LIN28B: variants seen among roughly 807,000 people sequenced by gnomAD.
LIN28B encodes protein lin-28 homolog B.
Under a neutral mutation model 21.9 loss-of-function variants are expected in LIN28B, and 5 were observed. The ratio of observed to expected loss-of-function variants is 0.23; its 90% CI spans 0.12 to 0.48. The LOEUF (loss-of-function observed/expected upper bound fraction) is 0.48, where lower values mean the gene tolerates loss of function less well. Among genes scored for constraint, LIN28B ranks in the 20% least tolerant of loss-of-function variants. LIN28B has a pLI of 0.98. For synonymous variants in LIN28B, 109 were observed against 111.3 expected (o/e 0.98, Z 0.13); for missense variants, 245 against 310.5 (o/e 0.79, Z 1.58).
intron 3 of LIN28B, among the ~76,000 whole-genome samples, chr6:105,057,074 T>G (rs1244808165): frequency 6.6e-6 from 1 of 152,236 alleles, no homozygotes; most frequent in Non-Finnish European, 1.5e-5. Context: ...TATACAGTAT[T>G]CATAACTTTT....
At chr6:104,976,211 G>C (rs1770090934) in intron 2 of LIN28B, among the ~76,000 whole-genome samples, 2 of 152,150 alleles carry the variant, frequency 1.3e-5, no homozygotes, top group Admixed American at 1.3e-4. Flanking sequence ...TTAAAGACTA[G>C]TTAAGGGATC....
rs1443014853 is a variant in LIN28B, at chr6:105,036,836, C to T, written c.383+10354C>T. Among the ~76,000 whole-genome samples the T allele has an allele frequency of 2.0e-5, 3 of 151,972 alleles. No homozygotes were observed. In the East Asian group the frequency reaches 5.8e-4, roughly 29 times the overall value. Reference sequence around the variant, plus strand: ...TTAGCTTTCTTGCTTTAGACTGTGGCCTTGGTGAAATTAGATCATATATTT... The same window carrying T: ...TTAGCTTTCTTGCTTTAGACTGTGGTCTTGGTGAAATTAGATCATATATTT... On this transcript the variant is annotated intron_variant, in intron 3 of 3. Coordinates refer to ENST00000345080, the MANE Select transcript of LIN28B (RefSeq NM_001004317.4).
chr6:105,021,237 G>GTA lies in LIN28B; in HGVS notation c.199-5052_199-5051dup, dbSNP rs578147044. The stretch of plus-strand genomic sequence containing the variant: ...TTCACGGTGGAATAATATCCATTGT[G>GTA]TATATATATACACCACATTTTCTTT... On this transcript the variant is annotated intron_variant, in intron 2 of 3. Transcript: ENST00000345080. 1.6e-4 allele frequency among the ~76,000 whole-genome samples: 24 copies of GTA among 152,036 alleles called. No homozygotes were observed. In the East Asian group the frequency reaches 4.6e-3, roughly 29 times the overall value.
intron 2 of LIN28B, among the ~76,000 whole-genome samples, chr6:105,013,829 A>T (rs1770971617): frequency 6.6e-6 from 1 of 152,066 alleles, no homozygotes; most frequent in South Asian, 2.1e-4. Context: ...GATGATCTAC[A>T]TTGTCAATTT....
At chr6:105,000,685 T>G (rs1454896870) in intron 2 of LIN28B, among the ~76,000 whole-genome samples, 1 of 151,592 alleles carries the variant, frequency 6.6e-6, no homozygotes, top group African/African-American at 2.4e-5. Context: ...TTTATTAAAT[T>G]AAAAAAATAG....
At chr6:105,009,031 G>A (rs953164668) in intron 2 of LIN28B, among the ~76,000 whole-genome samples, 3 of 152,168 alleles carry the variant, frequency 2.0e-5, no homozygotes, top group East Asian at 1.9e-4. Flanking sequence ...AATATCACAA[G>A]TACTTTAGAA....
intron 3 of LIN28B, among the ~76,000 whole-genome samples, chr6:105,072,371 A>G (rs1223748603): frequency 1.3e-5 from 2 of 152,200 alleles, no homozygotes; most frequent in African/African-American, 4.8e-5. Flanking sequence ...AGAATTTAGT[A>G]AGCTCTCAGT....
At chr6:105,074,480 G>A (rs1020955672) in intron 3 of LIN28B, among the ~76,000 whole-genome samples, 7 of 152,138 alleles carry the variant, frequency 4.6e-5, no homozygotes, top group Admixed American at 3.9e-4. Flanking sequence ...TTACAGGCGT[G>A]AGCCACCGCG....
chr6:105,026,558 G>T, intron 3 of LIN28B, 76 bp downstream of exon 3: 2 of 943,296 alleles, frequency 2.1e-6, no homozygotes, highest in South Asian at 1.8e-5. Context: ...TCATCTTACT[G>T]CATTTCATAT....
chr6:105,048,480 C>G (rs1771818611), intron 3 of LIN28B, among the ~76,000 whole-genome samples: 1 of 151,922 alleles, frequency 6.6e-6, no homozygotes, highest in African/African-American at 2.4e-5. Flanking sequence ...CTAAAATTCT[C>G]TTTTTGTTGT....
chr6:105,054,993 GTCT>G (rs1197549834), intron 3 of LIN28B, among the ~76,000 whole-genome samples: 1 of 151,888 alleles, frequency 6.6e-6, no homozygotes, highest in African/African-American at 2.4e-5. Flanking sequence ...TTGTCAACTG[GTCT>G]TCATTATTTC....
intron 2 of LIN28B, among the ~76,000 whole-genome samples, chr6:105,016,810 C>G (rs1771037445): frequency 6.6e-6 from 1 of 151,856 alleles, no homozygotes; most frequent in African/African-American, 2.4e-5. Flanking sequence ...TAATCCCAGC[C>G]CTTCGCGAGG....
At chr6:105,051,357 T>G (rs1467616121) in intron 3 of LIN28B, among the ~76,000 whole-genome samples, 2 of 150,578 alleles carry the variant, frequency 1.3e-5, no homozygotes, top group East Asian at 1.9e-4. Flanking sequence ...GAGAGTCACT[T>G]GAACCTGGGA....
chr6:105,077,781 TG>T (rs1327284191), intron 3 of LIN28B, among the ~76,000 whole-genome samples: 2 of 152,234 alleles, frequency 1.3e-5, no homozygotes, highest in Non-Finnish European at 2.9e-5. Flanking sequence ...TAAAATTACT[TG>T]GTAATTTGCC....
chr6:105,044,453 A>G, intron 3 of LIN28B, among the ~76,000 whole-genome samples: 1 of 152,126 alleles, frequency 6.6e-6, no homozygotes, highest in East Asian at 1.9e-4. Context: ...TCTTCCCATC[A>G]TTATCAACTC....
At chr6:105,041,641 G>A (rs115917113) in intron 3 of LIN28B, among the ~76,000 whole-genome samples, 171 of 152,266 alleles carry the variant, frequency 1.1e-3, no homozygotes, top group African/African-American at 4.0e-3. Context: ...TGGAGGTATA[G>A]TGGTCATAAG....
intron 3 of LIN28B, among the ~76,000 whole-genome samples, chr6:105,032,561 C>G (rs2114351808): frequency 6.6e-6 from 1 of 151,896 alleles, no homozygotes; most frequent in Non-Finnish European, 1.5e-5. Context: ...CCTGTCATTG[C>G]AAAAAGTAAA....
intron 2 of LIN28B, among the ~76,000 whole-genome samples, chr6:104,992,223 G>A (rs943942639): frequency 3.3e-5 from 5 of 151,990 alleles, no homozygotes; most frequent in African/African-American, 9.7e-5. Context: ...ACCACACCTG[G>A]CTAATTTTGT....
intron 3 of LIN28B, among the ~76,000 whole-genome samples, chr6:105,074,846 C>T (rs1343316720): frequency 1.3e-5 from 2 of 152,144 alleles, no homozygotes; most frequent in Non-Finnish European, 2.9e-5. Flanking sequence ...GCTGGAACTA[C>T]AGGTGTGCCC....
Sources: gnomAD v4.1 joint callset for allele counts (sites outside exome capture counted in the v4.1 genomes callset) on GRCh38, gnomAD v4.1.1 for gene constraint, MANE v1.5 for transcripts, NCBI Gene and HGNC (gene_info 2026-07-23, HGNC 2026-07-21) for gene names.